The following LAMB1 variants were observed in gnomAD, a reference collection of about 807,000 sequenced individuals.
LAMB1 encodes laminin subunit beta 1, also known as laminin subunit beta-1.
LAMB1 carries 121 observed loss-of-function variants against 222.3 expected under a neutral mutation model. That is an observed-to-expected ratio of 0.54 (90% CI 0.47 to 0.63). The LOEUF is 0.63. LAMB1 is among the 30% of genes least tolerant of loss of function. The pLI is 0.00. For synonymous variants in LAMB1, 794 were observed against 807.2 expected (o/e 0.98, Z 0.28); for missense variants, 2,172 against 2,240.8 (o/e 0.97, Z 0.62).
intron 9 of LAMB1, 127 bp from the exon 10 acceptor site, chr7:107,976,004 G>A: frequency 1.4e-6 from 1 of 708,380 alleles, no homozygotes; most frequent in Non-Finnish European, 2.3e-6. Flanking sequence ...CAACAAGCAG[G>A]ACTCCTGGGG....
chr7:107,931,450 G>T lies in LAMB1; in HGVS notation c.4443C>A (p.Asp1481Glu). ...TGGTAGCATTTGTCTTCAACAGAAT[G>T]TCTTCAGCACTTTGTTTTGCCTCAT... Reference protein sequence around the residue: ...RADEAKQSAEDILLKTNATKE... With the variant: ...RADEAKQSAEEILLKTNATKE... Residue 1481 changes from aspartate to glutamate, a missense_variant, in exon 29 of 34, where the codon GAC becomes GAA. Coordinates refer to ENST00000222399, the MANE Select transcript of LAMB1 (RefSeq NM_002291.3). The T allele has an allele frequency of 1.2e-6, 2 of 1,613,584 alleles. No individual in the cohort carries two copies. The highest frequency in any genetic ancestry group is 8.5e-7 in the Non-Finnish European group (1 of 1,179,726).
rs75399689 is a variant in LAMB1 at position 107,937,560 on chromosome 7, G to A, written c.3762-283C>T. Among the ~76,000 whole-genome samples, 5,695 of 152,294 alleles carry A rather than the reference G, an allele frequency of 0.037. 345 individuals are homozygous for A. The highest frequency in any genetic ancestry group is 0.13 in the African/African-American group (5,381 of 41,542). ...GGATTCCAAATTTCTGCTGTAAGAT[G>A]AGCACAGGTCAGAGTGTGGAGTTCT... On this transcript the variant is annotated intron_variant, in intron 25 of 33. Coordinates refer to ENST00000222399, the MANE Select transcript of LAMB1 (RefSeq NM_002291.3).
rs182482078 is a variant in LAMB1 at position 107,952,223 on chromosome 7, T to C, written c.3080A>G (p.Lys1027Arg). Residue 1027 changes from lysine (K) to arginine (R), a missense_variant and splice_region_variant, in exon 23 of 34, where the codon AAG becomes AGG. Lys to Arg is a conservative substitution (Grantham distance 26). Transcript: ENST00000222399. ...YGDALQQDCR[K>R]CVCNYLGTVQ... ...GGTGCCCAGGTAATTACAGACACAC[T>C]CTGCAAAAGAACATCACATTTACTT... The C allele has an allele frequency of 9.4e-6, 15 of 1,592,154 alleles. No individual in the cohort carries two copies. The highest frequency in any genetic ancestry group is 1.3e-5 in the Non-Finnish European group (15 of 1,162,712).
chr7:107,997,151 T>C (rs912224076), intron 4 of LAMB1, among the ~76,000 whole-genome samples: 9 of 152,174 alleles, frequency 5.9e-5, no homozygotes, highest in Non-Finnish European at 1.2e-4. Context: ...TGGCTGGGCG[T>C]GGTGGTTCAC....
At chr7:107,968,101 C>G (rs2033670588) in intron 13 of LAMB1, among the ~76,000 whole-genome samples, 1 of 152,056 alleles carries the variant, frequency 6.6e-6, no homozygotes, top group Non-Finnish European at 1.5e-5. Context: ...GTGCCTTTAC[C>G]CATCTTTTCC....
chr7:107,962,192 C>T (rs956268295), intron 15 of LAMB1, among the ~76,000 whole-genome samples: 4 of 152,206 alleles, frequency 2.6e-5, no homozygotes, highest in African/African-American at 9.6e-5. Context: ...TTTGGTAGCC[C>T]TGGCTCGGGC....
Position 108,001,701 on chromosome 7 carries a change from G to A in LAMB1, c.70C>T (p.Pro24Ser). 1 of 1,612,924 alleles carries A rather than the reference G, an allele frequency of 6.2e-7. No individual in the cohort carries two copies. Among genetic ancestry groups the A allele is most frequent in the Middle Eastern group, 1.6e-4 (1 of 6,062 alleles). ...LCRARVRAQE[P>S]EFSYGCAEGS... is the part of the protein sequence containing the mutation. ...TCTGCGCAGCCGTAGCTGAACTCGG[G>A]TTCCTGAGCGCGCACTCGGGCTCTG... is the stretch of plus-strand genomic sequence containing the variant. The change falls in exon 3 of 34, where the codon CCC becomes TCC. Residue 24 changes from proline (P) to serine (S), a missense_variant. By Grantham distance (74) the Pro-to-Ser change is moderately conservative. Coordinates refer to ENST00000222399, the MANE Select transcript of LAMB1 (RefSeq NM_002291.3).
chr7:107,924,367 T>C lies in LAMB1; in HGVS notation c.5087A>G (p.Glu1696Gly), dbSNP rs1223273472. The C allele has an allele frequency of 6.2e-7, 1 of 1,609,130 alleles. No homozygotes were observed. Among genetic ancestry groups the C allele is most frequent in the East Asian group, 2.2e-5 (1 of 44,828 alleles). ...VKKTLDGELD[E>G]KYKKVENLIA... is the part of the protein sequence containing the mutation. Reference sequence around the variant, plus strand: ...TAAATTTTCTACTTTTTTATACTTTTCATCAAGTTCACCATCTAAAGTCTA... The same window carrying C: ...TAAATTTTCTACTTTTTTATACTTTCCATCAAGTTCACCATCTAAAGTCTA... Residue 1696 changes from glutamate to glycine, a missense_variant, in exon 33 of 34, where the codon GAA becomes GGA. Transcript: ENST00000222399.
chr7:107,998,278 C>CA, intron 4 of LAMB1, 79 bp downstream of exon 4: 5 of 1,435,780 alleles, frequency 3.5e-6, no homozygotes, highest in Non-Finnish European at 4.8e-6. Context: ...ATCATAATTA[C>CA]AAACACCCAG....
At position 107,975,816 on chromosome 7, in the gene LAMB1, C is replaced by T. The variant is rs754665572; in HGVS notation, c.1062G>A (p.Thr354=). 10 of 1,614,008 alleles carry T rather than the reference C, an allele frequency of 6.2e-6. No homozygotes were observed. The highest frequency in any genetic ancestry group is 8.5e-6 in the Non-Finnish European group (10 of 1,180,004). The change falls in exon 10 of 34, where the codon ACG becomes ACA. Residue 354 remains threonine, a synonymous_variant. Coordinates refer to ENST00000222399, the MANE Select transcript of LAMB1 (RefSeq NM_002291.3). ...CHFDMAVYLA[T]GNVSGGVCDD... Reference sequence around the variant, plus strand: ...CACACACGCCTCCGCTGACGTTCCCCGTGGCCAGGTAAACAGCCATGTCAA... The same window carrying T: ...CACACACGCCTCCGCTGACGTTCCCTGTGGCCAGGTAAACAGCCATGTCAA...
In LAMB1 at chr7:107,944,138, T is replaced by C. The variant is rs2033059436; in HGVS notation, c.3392-3780A>G. ...CCATAGATGATGCAAAGGTATACCT[T>C]TGTTCAGTCCTAAACATTAGGTTTT... On this transcript the variant is annotated intron_variant, in intron 24 of 33. Transcript: ENST00000222399. Among the ~76,000 whole-genome samples the C allele has an allele frequency of 2.0e-5, 3 of 152,222 alleles. No homozygotes were observed. The South Asian group carries it at 6.2e-4, about 32-fold the overall frequency.
chr7:107,948,145 C>T (rs2033160524), intron 24 of LAMB1, among the ~76,000 whole-genome samples: 1 of 152,036 alleles, frequency 6.6e-6, no homozygotes, highest in Non-Finnish European at 1.5e-5. Flanking sequence ...CGCCATCTCA[C>T]CTGATTAATT....
Position 107,963,001 on chromosome 7 carries a change from G to GC in LAMB1, c.1760dup (p.Phe588LeufsTer6), listed in dbSNP as rs1402582804. 1 of 1,613,952 alleles carries GC rather than the reference G, an allele frequency of 6.2e-7. No individual in the cohort carries two copies. The highest frequency in any genetic ancestry group is 8.5e-7 in the Non-Finnish European group (1 of 1,179,962). On this transcript the variant is annotated frameshift_variant, in exon 15 of 34. Transcript: ENST00000222399. LOFTEE classifies it high-confidence loss of function. ...AAGCCCCTTCAGGCACTCGGACGAA[G>GC]CCGGCTCCAGTCCAGGAGGGAATCC...
intron 25 of LAMB1, among the ~76,000 whole-genome samples, chr7:107,938,520 G>A (rs779725764): frequency 7.9e-5 from 12 of 152,100 alleles, no homozygotes; most frequent in Non-Finnish European, 1.5e-4. Flanking sequence ...AAGAGTAATG[G>A]AACTAGTTTT....
rs1584484350 is a variant in LAMB1 at position 107,931,776 on chromosome 7, T to C, written c.4393-276A>G. 1.0e-5 allele frequency: 5 copies of C among 482,080 alleles called. No individual in the cohort carries two copies. The East Asian group carries it at 1.9e-4, about 19-fold the overall frequency. The allele number at this position is 482,080 out of a possible 1,614,324, so 29.9% of individuals were successfully genotyped here. ...CTGGCCTATAAAATAGTCCTGAGTCTTTTTCTCAGGTGCCCACATAAATAC... is the reference window on the plus strand; with the variant it reads ...CTGGCCTATAAAATAGTCCTGAGTCCTTTTCTCAGGTGCCCACATAAATAC... On this transcript the variant is annotated intron_variant, in intron 28 of 33. Coordinates refer to ENST00000222399, the MANE Select transcript of LAMB1 (RefSeq NM_002291.3).
At chr7:107,996,764 A>G (rs930496416) in intron 4 of LAMB1, among the ~76,000 whole-genome samples, 1 of 152,236 alleles carries the variant, frequency 6.6e-6, no homozygotes, top group Non-Finnish European at 1.5e-5. Context: ...CTAGAACTAC[A>G]GCACATGATA....
At chr7:107,970,484 GTCTCAAAAAA>G (rs2033724595) in intron 13 of LAMB1, among the ~76,000 whole-genome samples, 2 of 76,120 alleles carry the variant, frequency 2.6e-5, no homozygotes. Flanking sequence ...GCGAAACTCT[GTCTCAAAAAA>G]AAAAAAAAAA....
chr7:107,994,854 G>A, intron 5 of LAMB1, 33 bp downstream of exon 5: 1 of 1,242,216 alleles, frequency 8.1e-7, no homozygotes, highest in Non-Finnish European at 1.2e-6. Flanking sequence ...GTGCTCTCAT[G>A]TGTCATTTGT....
At chr7:107,955,329 A>G in intron 21 of LAMB1, 138 bp downstream of exon 21, 1 of 726,982 alleles carries the variant, frequency 1.4e-6, no homozygotes, top group Non-Finnish European at 2.1e-6. Context: ...GGAAAAGAGC[A>G]TCTTTTCTAA....
Sources: allele counts gnomAD v4.1 joint callset (sites outside exome capture counted in the v4.1 genomes callset), GRCh38; gene constraint gnomAD v4.1.1; transcripts MANE v1.5; gene names NCBI Gene and HGNC (gene_info 2026-07-23, HGNC 2026-07-21).